Variants in ODAD2 observed in about 807,000 individuals in gnomAD.
The protein encoded by ODAD2 is outer dynein arm docking complex subunit 2, also known as outer dynein arm-docking complex subunit 2.
A neutral mutation model predicts 106.8 loss-of-function variants in ODAD2; 89 were observed. The ratio of observed to expected loss-of-function variants is 0.83; its 90% CI spans 0.70 to 0.99. ODAD2 has a LOEUF of 0.99. Among genes scored for constraint, ODAD2 ranks in the 50% least tolerant of loss-of-function variants. The pLI, the probability that ODAD2 is intolerant of heterozygous loss-of-function variation, is 0.00. For missense variants in ODAD2, 1,168 were observed against 1,238.5 expected (o/e 0.94, Z 0.85); for synonymous variants, 404 against 436.2 (o/e 0.93, Z 0.92).
intron 10 of ODAD2, among the ~76,000 whole-genome samples, chr10:27,948,247 A>AT (rs35594396): frequency 0.37 from 56,408 of 151,300 alleles, 11,896 homozygotes; most frequent in Middle Eastern, 0.59. Context: ...GGCTTGAGGG[A>AT]TTTTTTTTTA....
chr10:27,974,970 A>T (rs961627969), intron 7 of ODAD2, among the ~76,000 whole-genome samples: 8 of 152,130 alleles, frequency 5.3e-5, no homozygotes, highest in Admixed American at 2.0e-4. Context: ...GATTAGCTCT[A>T]TTCCTAGGTA....
chr10:27,960,546 C>A (rs1193440115), intron 10 of ODAD2, among the ~76,000 whole-genome samples: 1 of 151,810 alleles, frequency 6.6e-6, no homozygotes, highest in Non-Finnish European at 1.5e-5. Context: ...GACAGGGTTT[C>A]ACCATGTTGG....
intron 19 of ODAD2, among the ~76,000 whole-genome samples, chr10:27,827,373 C>A (rs1247598575): frequency 3.4e-5 from 3 of 87,850 alleles, no homozygotes; most frequent in Non-Finnish European, 6.5e-5. Context: ...CATACACACA[C>A]ACACACTATA....
In ODAD2 at chr10:27,889,278, C is replaced by T. The variant is rs139420356; in HGVS notation, c.2610+18385G>A. Among the ~76,000 whole-genome samples, 30 of 152,168 alleles carry T rather than the reference C, an allele frequency of 2.0e-4. No homozygotes were observed. The East Asian group carries it at 4.1e-3, about 21-fold the overall frequency. Reference sequence around the variant, plus strand: ...CAAGGGATAAGGAAGATTTCACACTCGGGGTAGTTGCTAAAGCAGGGGCTT... The same window carrying T: ...CAAGGGATAAGGAAGATTTCACACTTGGGGTAGTTGCTAAAGCAGGGGCTT... On this transcript the variant is annotated intron_variant, in intron 17 of 19. Transcript: ENST00000305242.
intron 19 of ODAD2, chr10:27,853,203 C>G (rs909497951): frequency 5.9e-6 from 1 of 168,448 alleles, no homozygotes; most frequent in African/African-American, 2.4e-5. Flanking sequence ...CCTGTCTCTA[C>G]TAAAAATACA....
intron 3 of ODAD2, among the ~76,000 whole-genome samples, chr10:27,986,840 A>G (rs1257948794): frequency 1.3e-5 from 2 of 151,644 alleles, no homozygotes; most frequent in East Asian, 4.1e-4. Context: ...ATTTGCCACA[A>G]AGTTGAATGA....
chr10:27,959,212 G>A (rs1405295836), intron 10 of ODAD2, among the ~76,000 whole-genome samples: 1 of 74,876 alleles, frequency 1.3e-5, no homozygotes, highest in African/African-American at 6.5e-5. Flanking sequence ...GGGAGGGGAG[G>A]GGAGGGGAGG....
intron 17 of ODAD2, among the ~76,000 whole-genome samples, chr10:27,864,147 A>G (rs927723894): frequency 1.3e-5 from 2 of 151,448 alleles, no homozygotes; most frequent in Admixed American, 6.6e-5. Flanking sequence ...GGTTTGGGGG[A>G]GGGTGGTGGT....
At position 27,860,011 on chromosome 10, in the gene ODAD2, G is replaced by C. The variant is rs572101603; in HGVS notation, c.3021+614C>G. On this transcript the variant is annotated intron_variant, in intron 19 of 19. Coordinates refer to ENST00000305242, the MANE Select transcript of ODAD2 (RefSeq NM_018076.5). ...TGTTAAGTAAACACTATAGCCAATA[G>C]AATTGTGAGTACTACTGCTTGTCCA... Among the ~76,000 whole-genome samples, 81 of 152,278 alleles carry C rather than the reference G, an allele frequency of 5.3e-4. 2 individuals are homozygous for C. In the South Asian group the frequency reaches 0.017, roughly 31 times the overall value.
chr10:27,944,842 G>T lies in ODAD2; in HGVS notation c.1507C>A (p.Leu503Ile), dbSNP rs1476598505. The T allele has an allele frequency of 6.2e-7, 1 of 1,614,118 alleles. No individual in the cohort carries two copies. The highest frequency in any genetic ancestry group is 1.1e-5 in the South Asian group (1 of 91,068). Residue 503 changes from leucine to isoleucine, a missense_variant, in exon 11 of 20, where the codon CTT becomes ATT. Coordinates refer to ENST00000305242, the MANE Select transcript of ODAD2 (RefSeq NM_018076.5). Reference protein sequence around the residue: ...VGGLEVLINLLETDEVKCKIG... With the variant: ...VGGLEVLINLIETDEVKCKIG... ...TTACATTTGACTTCATCGGTTTCAA[G>T]CAAATTTATCAGCACTTCCAGGCCT...
At position 27,984,318 on chromosome 10, in the gene ODAD2, T is replaced by G. The variant is rs775832474; in HGVS notation, c.576-28A>C. On this transcript the variant is annotated intron_variant, in intron 4 of 19. Coordinates refer to ENST00000305242, the MANE Select transcript of ODAD2 (RefSeq NM_018076.5). ...GAAATAAATGTTTAAAATGTCAGCT[T>G]AAATACTTTAAACAGAATCTAGGAA... is the stretch of plus-strand genomic sequence containing the variant. The G allele has an allele frequency of 5.1e-5, 73 of 1,418,862 alleles. No homozygotes were observed. In the South Asian group the frequency reaches 7.7e-4, roughly 15 times the overall value. 87.9% of individuals were successfully genotyped at this position (1,418,862 alleles called of 1,614,324 possible). A position where few individuals can be genotyped will look rare whatever the true frequency, so the allele number is the denominator to read the frequency against.
rs142760602 is a variant in ODAD2 at position 27,833,887 on chromosome 10, C to T, written c.3022-21262G>A. Among the ~76,000 whole-genome samples, 332 of 152,318 alleles carry T rather than the reference C, an allele frequency of 2.2e-3. 2 individuals are homozygous for T. Among genetic ancestry groups the T allele is most frequent in the African/African-American group, 7.7e-3 (322 of 41,576 alleles). The stretch of plus-strand genomic sequence containing the variant: ...CTGAAGAACAAGAGCAAATCTGAAA[C>T]CTGAAAGATGGTTATGAACAAAGCA... On this transcript the variant is annotated intron_variant, in intron 19 of 19. Transcript: ENST00000305242.
rs1845989710 is a variant in ODAD2 at position 27,936,597 on chromosome 10, C to G, written c.2252+129G>C. 5 of 1,089,636 alleles carry G rather than the reference C, an allele frequency of 4.6e-6. No homozygotes were observed. The South Asian group carries it at 6.9e-5, about 15-fold the overall frequency. 67.5% of individuals were successfully genotyped at this position (1,089,636 alleles called of 1,614,324 possible). Reference sequence around the variant, plus strand: ...CTATTCTAAGAATCCCTTCATTGGGCTAACTTCATCCAGAATGTACATCTA... The same window carrying G: ...CTATTCTAAGAATCCCTTCATTGGGGTAACTTCATCCAGAATGTACATCTA... On this transcript the variant is annotated intron_variant, in intron 15 of 19. Transcript: ENST00000305242.
chr10:27,935,221 C>T lies in ODAD2; in HGVS notation c.2284G>A (p.Val762Met). ...TCAGGCTGATCTGTTAGAAGTCCCA[C>T]CAAGGTTTCAATGGCTTTGTATTCC... ...FREYKAIETL[V>M]GLLTDQPEEV... The change falls in exon 16 of 20, where the codon GTG (valine) becomes ATG (methionine). Residue 762 changes from valine (V) to methionine (M), a missense_variant. Physicochemically the swap from Val to Met is conservative, Grantham distance 21. This residue lies in a region of ODAD2 where 701 missense variants were observed against 712.3 expected (regional missense o/e 0.98). Coordinates refer to ENST00000305242, the MANE Select transcript of ODAD2 (RefSeq NM_018076.5). The T allele has an allele frequency of 4.3e-6, 7 of 1,613,954 alleles. No homozygotes were observed. The highest frequency in any genetic ancestry group is 5.9e-6 in the Non-Finnish European group (7 of 1,179,852).
chr10:27,930,222 G>A (rs1033429398), intron 16 of ODAD2, among the ~76,000 whole-genome samples: 2 of 151,692 alleles, frequency 1.3e-5, no homozygotes, highest in African/African-American at 4.8e-5. Flanking sequence ...AACTACTTAG[G>A]TTGCCTTATA....
intron 16 of ODAD2, among the ~76,000 whole-genome samples, chr10:27,912,753 A>T (rs941602718): frequency 6.6e-6 from 1 of 152,238 alleles, no homozygotes; most frequent in Non-Finnish European, 1.5e-5. Context: ...TTAAACCACA[A>T]CATTAAAGGA....
At chr10:27,933,666 A>G (rs974722120) in intron 16 of ODAD2, among the ~76,000 whole-genome samples, 3 of 152,218 alleles carry the variant, frequency 2.0e-5, no homozygotes, top group Non-Finnish European at 4.4e-5. Context: ...AAGAGGAACC[A>G]AAGATCAAAA....
At chr10:27,981,389 T>C in intron 7 of ODAD2, 77 bp downstream of exon 7, 2 of 1,354,660 alleles carry the variant, frequency 1.5e-6, no homozygotes, top group African/African-American at 1.5e-5. Context: ...GCAAAATTAC[T>C]GTTTTTCTTG....
intron 19 of ODAD2, among the ~76,000 whole-genome samples, chr10:27,824,642 G>A (rs1395634981): frequency 3.3e-5 from 5 of 152,120 alleles, no homozygotes; most frequent in Admixed American, 1.3e-4. Flanking sequence ...TATCTAGAAC[G>A]ATCCATAGAT....
Sources: gnomAD v4.1 joint callset for allele counts (sites outside exome capture counted in the v4.1 genomes callset) on GRCh38, gnomAD v4.1.1 for gene constraint, gnomAD v4.1.1 regional missense constraint, MANE v1.5 for transcripts, NCBI Gene and HGNC (gene_info 2026-07-23, HGNC 2026-07-21) for gene names.